The following CACNA1G variants were observed in gnomAD, a reference collection of about 807,000 sequenced individuals.
The protein encoded by CACNA1G is voltage-dependent T-type calcium channel subunit alpha-1G.
A neutral mutation model predicts 219.4 loss-of-function variants in CACNA1G; 67 were observed. That is an observed-to-expected ratio of 0.31 (90% CI 0.25 to 0.37). The LOEUF (loss-of-function observed/expected upper bound fraction) is 0.37. Among genes scored for constraint, CACNA1G ranks in the 10% least tolerant of loss-of-function variants. The pLI is 1.00. For missense variants in CACNA1G, 2,380 were observed against 3,231.4 expected (o/e 0.74, Z 6.39); for synonymous variants, 1,296 against 1,345.3 (o/e 0.96, Z 0.80).
rs1598882581 is a variant in CACNA1G at position 50,626,526 on chromosome 17, G to GA, written c.6915dup (p.Leu2306ThrfsTer5). 1 of 1,573,652 alleles carries GA rather than the reference G, an allele frequency of 6.4e-7. No homozygotes were observed. The highest frequency in any genetic ancestry group is 1.4e-5 in the African/African-American group (1 of 73,030). On this transcript the variant is annotated frameshift_variant, in exon 38 of 38. Transcript: ENST00000359106. LOFTEE classifies it high-confidence loss of function. This position sits in a 1 kb window ranked among gnomAD's most constrained non-coding sequence, Gnocchi z 4.3. ...TTGGGGGGCCTGGGAGCCGGCCCAA[G>GA]AAAAAACTCAGCCCGCCTAGTATCA...
At chr17:50,606,557 C>T (rs1371884254) in intron 23 of CACNA1G, 17 of 548,752 alleles carry the variant, frequency 3.1e-5, no homozygotes, top group Non-Finnish European at 5.2e-5. Context: ...TTCCTCACTC[C>T]ATATTTGCAG....
chr17:50,615,565 T>G, intron 27 of CACNA1G, 53 bp downstream of exon 27: 1 of 1,586,910 alleles, frequency 6.3e-7, no homozygotes, highest in Admixed American at 1.7e-5. Context: ...CTGAGGAACC[T>G]CTGGGCAAGG....
At chr17:50,574,624 G>T (rs1463388771) in intron 7 of CACNA1G, among the ~76,000 whole-genome samples, 2 of 152,152 alleles carry the variant, frequency 1.3e-5, no homozygotes, top group Non-Finnish European at 2.9e-5. Flanking sequence ...GAAGCAGACA[G>T]GGAGATAAGG....
chr17:50,599,607 A>G lies in CACNA1G; in HGVS notation c.3438A>G (p.Ser1146=). 2 of 1,613,184 alleles carry G rather than the reference A, an allele frequency of 1.2e-6. No individual in the cohort carries two copies. Among genetic ancestry groups the G allele is most frequent in the South Asian group, 2.2e-5 (2 of 90,904 alleles). ...AGAGCCAGGATGAAGAGGAGAGCTC[A>G]GAAGAGGAGCGGGCCAGCCCTGCGG... is the stretch of plus-strand genomic sequence containing the variant. ...GQESQDEEES[S]EEERASPAGS... The change falls in exon 17 of 38, where the codon TCA becomes TCG. Residue 1146 remains serine (S), a synonymous_variant. Transcript: ENST00000359106.
At chr17:50,564,978 C>T (rs1443893335) in intron 1 of CACNA1G, among the ~76,000 whole-genome samples, 4 of 151,970 alleles carry the variant, frequency 2.6e-5, no homozygotes, top group African/African-American at 7.3e-5. Context: ...CCCCATCACC[C>T]GTAGTGCCAG....
rs1391534968 is a variant in CACNA1G, at chr17:50,617,963, G to C, written c.5226+34G>C. On this transcript the variant is annotated intron_variant, in intron 30 of 37. Coordinates refer to ENST00000359106, the MANE Select transcript of CACNA1G (RefSeq NM_018896.5). This position sits in a 1 kb window ranked among gnomAD's most constrained non-coding sequence, Gnocchi z 5.8. ...GAGGTGGGGGGCCTCTGGGGAGGGG[G>C]AGGTGCTTTCCAGAGGGAAGGGGCT... The C allele has an allele frequency of 6.2e-7, 1 of 1,612,780 alleles. No homozygotes were observed. The highest frequency in any genetic ancestry group is 2.2e-5 in the East Asian group (1 of 44,888).
At chr17:50,604,061 A>G in intron 21 of CACNA1G, 94 bp from the exon 22 acceptor site, 1 of 1,323,550 alleles carries the variant, frequency 7.6e-7, no homozygotes, top group South Asian at 1.7e-5. Context: ...GGAAGGGACC[A>G]GTGGTCAAGG....
chr17:50,619,798 C>A lies in CACNA1G; in HGVS notation c.5897C>A (p.Ala1966Asp). ...GGCCAGCCCTCTGCCTTCCCTTCTG[C>A]CCCCAGCCTGGGAGGCTCCGACCCA... The part of the protein sequence containing the change: ...PGGQPSAFPS[A>D]PSLGGSDPQI... Residue 1966 changes from alanine to aspartate, a missense_variant, in exon 34 of 38, where the codon GCC becomes GAC. Coordinates refer to ENST00000359106, the MANE Select transcript of CACNA1G (RefSeq NM_018896.5). 6.2e-7 allele frequency: 1 copy of A among 1,606,146 alleles called. No individual in the cohort carries two copies. The highest frequency in any genetic ancestry group is 8.5e-7 in the Non-Finnish European group (1 of 1,178,166).
chr17:50,589,912 C>CTGTGTGTGTG (rs58484176), intron 9 of CACNA1G, among the ~76,000 whole-genome samples: 14 of 141,834 alleles, frequency 9.9e-5, no homozygotes, highest in African/African-American at 3.4e-4. Flanking sequence ...CTCTCTCTCT[C>CTGTGTGTGTG]TGTGTGTGTG....
Position 50,618,541 on chromosome 17 carries a change from C to A in CACNA1G, c.5428-114C>A. 1 of 1,043,908 alleles carries A rather than the reference C, an allele frequency of 9.6e-7. No individual in the cohort carries two copies. Among genetic ancestry groups the A allele is most frequent in the South Asian group, 1.5e-5 (1 of 67,110 alleles). The allele number at this position is 1,043,908 out of a possible 1,614,324, so 64.7% of individuals were successfully genotyped here. ...CTCCTCTGCCCCCAAACACTCCCTC[C>A]TCCTCCCCTTCCTTCCCATCCTCCA... On this transcript the variant is annotated intron_variant, in intron 32 of 37. Coordinates refer to ENST00000359106, the MANE Select transcript of CACNA1G (RefSeq NM_018896.5). The surrounding 1 kb of genome is among the most constrained non-coding windows in gnomAD (Gnocchi z 5.3).
intron 1 of CACNA1G, chr17:50,562,214 A>G (rs1378803285): frequency 6.5e-6 from 1 of 153,644 alleles, no homozygotes; most frequent in East Asian, 1.9e-4. Context: ...CCCCGCCCCA[A>G]AGTTTGCGGC....
In CACNA1G at chr17:50,621,286, T is replaced by G. The variant is rs1463363028; in HGVS notation, c.5926-374T>G. Among the ~76,000 whole-genome samples, 2 of 151,334 alleles carry G rather than the reference T, an allele frequency of 1.3e-5. No individual in the cohort carries two copies. Among genetic ancestry groups the G allele is most frequent in the African/African-American group, 2.4e-5 (1 of 41,160 alleles). ...TTCATTTTTTTTTTTTTTGGTATCA[T>G]CTTTTTGAGAGTCGCAAGCCCTCGG... On this transcript the variant is annotated intron_variant, in intron 34 of 37. Transcript: ENST00000359106. The surrounding 1 kb of genome is among the most constrained non-coding windows in gnomAD (Gnocchi z 4.6).
intron 9 of CACNA1G, among the ~76,000 whole-genome samples, chr17:50,584,764 A>G (rs1192577752): frequency 1.3e-5 from 2 of 151,998 alleles, no homozygotes; most frequent in African/African-American, 4.8e-5. Flanking sequence ...TAAGCCTGCA[A>G]CGAGGGGCCA....
intron 9 of CACNA1G, among the ~76,000 whole-genome samples, chr17:50,589,936 G>GTC (rs2043914130): frequency 6.6e-6 from 1 of 151,990 alleles, no homozygotes; most frequent in Non-Finnish European, 1.5e-5. Context: ...GTGTGTGTGT[G>GTC]TGTGTGTGTG....
chr17:50,572,174 C>T, intron 5 of CACNA1G, 137 bp downstream of exon 5: 5 of 974,720 alleles, frequency 5.1e-6, no homozygotes, highest in Non-Finnish European at 7.4e-6. Flanking sequence ...AACTTGGCTA[C>T]CCATTGGAAC....
At chr17:50,592,473 G>A (rs893516845) in intron 13 of CACNA1G, among the ~76,000 whole-genome samples, 1 of 152,168 alleles carries the variant, frequency 6.6e-6, no homozygotes, top group African/African-American at 2.4e-5. Flanking sequence ...GAGGGGTGCA[G>A]GAGGCTTGTG....
At chr17:50,602,577 T>C (rs1365546834) in intron 19 of CACNA1G, among the ~76,000 whole-genome samples, 1 of 151,896 alleles carries the variant, frequency 6.6e-6, no homozygotes, top group African/African-American at 2.4e-5. Flanking sequence ...TAAGTGGCTG[T>C]GGGGGCGGGG....
intron 26 of CACNA1G, among the ~76,000 whole-genome samples, chr17:50,611,862 C>T (rs2049281485): frequency 1.3e-5 from 2 of 152,316 alleles, no homozygotes; most frequent in South Asian, 2.1e-4. Flanking sequence ...TAAACACTCT[C>T]GTGACCCTTG....
rs770268666 is a variant in CACNA1G at position 50,591,721 on chromosome 17, GC to G, written c.2640-13del. 6.2e-7 allele frequency: 1 copy of G among 1,613,068 alleles called. No individual in the cohort carries two copies. The highest frequency in any genetic ancestry group is 8.5e-7 in the Non-Finnish European group (1 of 1,179,150). On this transcript the variant is annotated splice_polypyrimidine_tract_variant and intron_variant, in intron 11 of 37. Coordinates refer to ENST00000359106, the MANE Select transcript of CACNA1G (RefSeq NM_018896.5). ...ACTGGGCTCTGATCCCTAGCTTGTG[GC>G]CCCCTTGTGCCCACAGCATCCTGGG...
Sources: allele counts gnomAD v4.1 joint callset (sites outside exome capture counted in the v4.1 genomes callset), GRCh38; gene constraint gnomAD v4.1.1; non-coding constraint Gnocchi (gnomAD v3.1); transcripts MANE v1.5; gene names NCBI Gene and HGNC (gene_info 2026-07-23, HGNC 2026-07-21).